Variants in KHDRBS2 observed in about 807,000 individuals in gnomAD.
The protein encoded by KHDRBS2 is KH domain-containing, RNA-binding, signal transduction-associated protein 2.
In KHDRBS2, 26 loss-of-function variants were observed where a neutral mutation model predicts 44.3. The observed-to-expected ratio is 0.59, with a 90% confidence interval of 0.43 to 0.81. The LOEUF (loss-of-function observed/expected upper bound fraction) is 0.81, where lower values mean the gene tolerates loss of function less well. Among genes scored for constraint, KHDRBS2 ranks in the 40% least tolerant of loss-of-function variants. The pLI, the probability that KHDRBS2 is intolerant of heterozygous loss-of-function variation, is 0.00. For synonymous variants in KHDRBS2, 194 were observed against 151.1 expected, an observed-to-expected ratio of 1.28 and a Z score of -2.08; for missense variants, 476 against 433.1, an observed-to-expected ratio of 1.10 and a Z score of -0.88.
rs796909310 is a variant in KHDRBS2 at position 61,983,192 on chromosome 6, T to A, written c.337-4980A>T. ...TCAGGCAATTTTGAGTAATTAAAGT[T>A]TTTTTCATTTTCTTTCTTTCTTTCT... On this transcript the variant is annotated intron_variant, in intron 3 of 8. Coordinates refer to ENST00000281156, the MANE Select transcript of KHDRBS2 (RefSeq NM_152688.4). Among the ~76,000 whole-genome samples, 22 of 56,184 alleles carry A rather than the reference T, an allele frequency of 3.9e-4. 1 individual carries two copies. The highest frequency in any genetic ancestry group is 2.1e-3 in the African/African-American group (22 of 10,372). 36.9% of individuals were successfully genotyped at this position (56,184 alleles called of 152,430 possible). A position where few individuals can be genotyped will look rare whatever the true frequency, so the allele number is the denominator to read the frequency against.
At chr6:61,702,065 A>C (rs367756793) in intron 7 of KHDRBS2, among the ~76,000 whole-genome samples, 165 of 151,412 alleles carry the variant, frequency 1.1e-3, no homozygotes, top group African/African-American at 3.9e-3. Flanking sequence ...TTTTAACAGA[A>C]AGAAAGATAA....
chr6:61,674,220 A>G, the KHDRBS2 span, among the ~76,000 whole-genome samples: 2 of 151,642 alleles, frequency 1.3e-5, no homozygotes, highest in Admixed American at 1.3e-4. Flanking sequence ...GGGAAAGATC[A>G]AAGTAAAATG....
At chr6:62,028,342 G>C (rs1426397385) in intron 3 of KHDRBS2, among the ~76,000 whole-genome samples, 1 of 152,052 alleles carries the variant, frequency 6.6e-6, no homozygotes, top group African/African-American at 2.4e-5. Flanking sequence ...ATCTGGATAA[G>C]ACTTAAGATT....
At chr6:62,048,618 G>C (rs1315532725) in intron 2 of KHDRBS2, among the ~76,000 whole-genome samples, 1 of 151,764 alleles carries the variant, frequency 6.6e-6, no homozygotes, top group African/African-American at 2.4e-5. Context: ...GCACATAAAA[G>C]TTAAAAAACA....
the KHDRBS2 span, among the ~76,000 whole-genome samples, chr6:61,626,359 T>C: frequency 6.6e-6 from 1 of 152,230 alleles, no homozygotes; most frequent in Admixed American, 6.5e-5. Context: ...TGTTGTTTCT[T>C]AGCTGAAAAC....
intron 2 of KHDRBS2, among the ~76,000 whole-genome samples, chr6:62,108,165 A>C (rs1044597968): frequency 6.6e-6 from 1 of 152,036 alleles, no homozygotes; most frequent in Non-Finnish European, 1.5e-5. Context: ...GCAACCTACA[A>C]AATGGGAGAA....
intron 4 of KHDRBS2, among the ~76,000 whole-genome samples, chr6:61,902,594 C>T (rs1472103122): frequency 6.6e-6 from 1 of 152,084 alleles, no homozygotes; most frequent in Non-Finnish European, 1.5e-5. Flanking sequence ...AATGGCCAAT[C>T]TGATCAATTA....
At chr6:61,845,452 G>A (rs1409468182) in intron 6 of KHDRBS2, among the ~76,000 whole-genome samples, 1 of 152,056 alleles carries the variant, frequency 6.6e-6, no homozygotes, top group East Asian at 1.9e-4. Flanking sequence ...TGGGACTACA[G>A]GTGCATGCCA....
chr6:62,136,697 TG>T (rs1425182039), intron 2 of KHDRBS2, among the ~76,000 whole-genome samples: 1 of 152,202 alleles, frequency 6.6e-6, no homozygotes, highest in African/African-American at 2.4e-5. Flanking sequence ...AGTGAGAAGT[TG>T]GCCCCCTACC....
the KHDRBS2 span, among the ~76,000 whole-genome samples, chr6:61,545,419 T>C: frequency 6.6e-6 from 1 of 152,000 alleles, no homozygotes; most frequent in Non-Finnish European, 1.5e-5. Context: ...AACATGTGCT[T>C]TTGACATAAA....
At chr6:61,631,744 A>G in the KHDRBS2 span, among the ~76,000 whole-genome samples, 14 of 152,176 alleles carry the variant, frequency 9.2e-5, no homozygotes, top group African/African-American at 2.9e-4. Flanking sequence ...TTGTTAAACA[A>G]CTTGAGTGTA....
chr6:62,218,210 C>T (rs1269461865), intron 1 of KHDRBS2, among the ~76,000 whole-genome samples: 2 of 151,858 alleles, frequency 1.3e-5, no homozygotes, highest in African/African-American at 4.8e-5. Context: ...TGGATGGTAG[C>T]CAGGCTGCTA....
chr6:61,857,880 T>C (rs1204869698), intron 6 of KHDRBS2, among the ~76,000 whole-genome samples: 1 of 152,152 alleles, frequency 6.6e-6, no homozygotes, highest in East Asian at 1.9e-4. Flanking sequence ...GTGATATGTA[T>C]GACTTTTATA....
chr6:61,682,950 C>T (rs528429955), intron 8 of KHDRBS2, among the ~76,000 whole-genome samples: 47 of 151,868 alleles, frequency 3.1e-4, no homozygotes, highest in Non-Finnish European at 5.0e-4. Flanking sequence ...TGAGATAATC[C>T]AGGCTATATC....
intron 6 of KHDRBS2, among the ~76,000 whole-genome samples, chr6:61,840,221 G>A (rs1248006860): frequency 2.0e-5 from 3 of 151,984 alleles, no homozygotes; most frequent in African/African-American, 7.2e-5. Context: ...ATATAAGTTT[G>A]CCAATGTCAA....
At chr6:61,548,021 C>T in the KHDRBS2 span, among the ~76,000 whole-genome samples, 1 of 152,066 alleles carries the variant, frequency 6.6e-6, no homozygotes, top group East Asian at 1.9e-4. Context: ...TATGCACCAA[C>T]TCTGACTGAT....
At chr6:61,663,493 G>T in the KHDRBS2 span, among the ~76,000 whole-genome samples, 1 of 16,246 alleles carries the variant, frequency 6.2e-5, no homozygotes, top group Non-Finnish European at 1.3e-4. Context: ...CATAAGGCAT[G>T]AGACACCATA....
intron 2 of KHDRBS2, among the ~76,000 whole-genome samples, chr6:62,075,951 A>G (rs1013754800): frequency 3.3e-5 from 5 of 150,618 alleles, no homozygotes; most frequent in Admixed American, 6.6e-5. Flanking sequence ...TTTTTGATCA[A>G]TTTGAATGTA....
At chr6:61,729,325 T>A (rs560383570) in intron 7 of KHDRBS2, among the ~76,000 whole-genome samples, 2 of 152,172 alleles carry the variant, frequency 1.3e-5, no homozygotes, top group African/African-American at 4.8e-5. Context: ...TGGGGCCTTT[T>A]GGCCTTCAGG....
Sources: gnomAD v4.1 joint callset for allele counts (sites outside exome capture counted in the v4.1 genomes callset) on GRCh38, gnomAD v4.1.1 for gene constraint, MANE v1.5 for transcripts, NCBI Gene and HGNC (gene_info 2026-07-23, HGNC 2026-07-21) for gene names.